Variants in SLC37A1 observed in about 807,000 individuals in gnomAD.
SLC37A1 encodes the protein solute carrier family 37 member 1.
A neutral mutation model predicts 75.3 loss-of-function variants in SLC37A1; 49 were observed. That is an observed-to-expected ratio of 0.65 (90% confidence interval 0.52 to 0.83). SLC37A1 has a LOEUF of 0.83. SLC37A1 is among the 40% of genes least tolerant of loss of function. SLC37A1 has a pLI of 0.00. For synonymous variants in SLC37A1, 268 were observed against 292.1 expected (o/e 0.92, Z 0.84); for missense variants, 566 against 695.0 (o/e 0.81, Z 2.09).
At chr21:42,512,615 A>G (rs2054447823), upstream of SLC37A1, among the ~76,000 whole-genome samples, 2 of 152,222 alleles carry the variant, frequency 1.3e-5, no homozygotes, top group Admixed American at 6.5e-5. Context: ...TGCGGAGAGA[A>G]AGAAGGTCTG....
intron 17 of SLC37A1, among the ~76,000 whole-genome samples, chr21:42,574,369 A>G (rs1456577369): frequency 1.3e-5 from 2 of 152,214 alleles, no homozygotes; most frequent in Non-Finnish European, 2.9e-5. Flanking sequence ...GTCAACACAC[A>G]TTTTTAGGAT....
chr21:42,530,732 A>T (rs575609273), intron 3 of SLC37A1, among the ~76,000 whole-genome samples: 58 of 151,108 alleles, frequency 3.8e-4, no homozygotes, highest in Non-Finnish European at 6.6e-4. Context: ...TGAGGCCTGA[A>T]TCCCCTGCTC....
At chr21:42,508,119 G>A (rs1005397937) in intron 2 of SLC37A1, among the ~76,000 whole-genome samples, 8 of 141,594 alleles carry the variant, frequency 5.6e-5, no homozygotes, top group South Asian at 2.3e-4. Flanking sequence ...TGAAGAGTAC[G>A]CTCTTTTTTT....
At position 42,547,296 on chromosome 21, in the gene SLC37A1, C is replaced by A; in HGVS notation, c.768+156C>A. On this transcript the variant is annotated intron_variant, in intron 9 of 19. Transcript: ENST00000352133. This position sits in a 1 kb window ranked among gnomAD's most constrained non-coding sequence, Gnocchi z 6.1. The stretch of plus-strand genomic sequence containing the variant: ...GGCAGTTCTAGGAATAGAGAATATT[C>A]TGTTTTGGGTTTCGCTGATAATAAC... The A allele has an allele frequency of 1.3e-6, 1 of 799,474 alleles. No homozygotes were observed. 49.5% of individuals were successfully genotyped at this position (799,474 alleles called of 1,614,324 possible). A position where few individuals can be genotyped will look rare whatever the true frequency, so the allele number is the denominator to read the frequency against.
intron 6 of SLC37A1, among the ~76,000 whole-genome samples, chr21:42,541,585 G>C (rs1463132909): frequency 6.6e-6 from 1 of 152,200 alleles, no homozygotes; most frequent in Non-Finnish European, 1.5e-5. Context: ...CTTTGTCCAG[G>C]CGCGAAGTCA....
chr21:42,516,732 T>C (rs1225950790), intron 1 of SLC37A1, among the ~76,000 whole-genome samples: 2 of 152,220 alleles, frequency 1.3e-5, no homozygotes, highest in African/African-American at 4.8e-5. Flanking sequence ...ACAGGTTTTA[T>C]CAGAGTTGGA....
At chr21:42,527,770 C>G (rs946396254) in intron 3 of SLC37A1, among the ~76,000 whole-genome samples, 11 of 152,208 alleles carry the variant, frequency 7.2e-5, no homozygotes, top group African/African-American at 2.7e-4. Context: ...GCCTCCTAAA[C>G]GCACAGATTT....
chr21:42,518,488 A>G lies in SLC37A1; in HGVS notation c.34A>G (p.Ile12Val), dbSNP rs770381210. 2.5e-6 allele frequency: 4 copies of G among 1,614,146 alleles called. No homozygotes were observed. Among genetic ancestry groups the G allele is most frequent in the Admixed American group, 1.7e-5 (1 of 60,026 alleles). ...ARLPAGIRFIISFSRDQWYRA... is the reference protein window; with the variant it reads ...ARLPAGIRFIVSFSRDQWYRA... ...ACTCCCCGCTGGCATTCGCTTCATC[A>G]TCTCATTCTCCAGGGATCAGTGGTG... Residue 12 changes from isoleucine to valine, a missense_variant, in exon 2 of 20, where the codon ATC (isoleucine) becomes GTC (valine). By Grantham distance (29) the Ile-to-Val change is conservative. Transcript: ENST00000352133.
rs143472388 is a variant in SLC37A1 at position 42,570,561 on chromosome 21, G to A, written c.1423+2123G>A. On this transcript the variant is annotated intron_variant, in intron 17 of 19. Coordinates refer to ENST00000352133, the MANE Select transcript of SLC37A1 (RefSeq NM_001320537.2). ...TTCTGGTTGACGTTGTGACTGCGTGGCCTTCTCTTGGCCTTGTGCCTCAGT... is the reference window on the plus strand; with the variant it reads ...TTCTGGTTGACGTTGTGACTGCGTGACCTTCTCTTGGCCTTGTGCCTCAGT... Among the ~76,000 whole-genome samples the A allele has an allele frequency of 3.6e-3, 555 of 152,272 alleles. 5 individuals are homozygous for A. The highest frequency in any genetic ancestry group is 6.1e-3 in the Non-Finnish European group (415 of 68,032).
chr21:42,537,149 G>A lies in SLC37A1; in HGVS notation c.350+1599G>A, dbSNP rs370898525. 9.2e-5 allele frequency among the ~76,000 whole-genome samples: 14 copies of A among 152,346 alleles called. 3 individuals are homozygous for A. Among genetic ancestry groups the A allele is most frequent in the East Asian group, 1.9e-4 (1 of 5,188 alleles). ...GCCCAGGCAGGCAGTGTCTGCTGTT[G>A]GAGGAGAGTGCATAGCTCTCCCTTT... is the stretch of plus-strand genomic sequence containing the variant. On this transcript the variant is annotated intron_variant, in intron 5 of 19. Coordinates refer to ENST00000352133, the MANE Select transcript of SLC37A1 (RefSeq NM_001320537.2).
chr21:42,569,082 G>A (rs568708874), intron 17 of SLC37A1, among the ~76,000 whole-genome samples: 203 of 152,298 alleles, frequency 1.3e-3, no homozygotes, highest in African/African-American at 4.4e-3. Flanking sequence ...TCCTACATGG[G>A]GGACGTTATG....
Position 42,560,008 on chromosome 21 carries a change from G to C in SLC37A1, c.981+919G>C, listed in dbSNP as rs920786398. On this transcript the variant is annotated intron_variant, in intron 11 of 19. Transcript: ENST00000352133. ...CAAGGGAAGAACGAGTAGCACAGGC[G>C]GGAGAAGCCCTCAGAAGCTGGACCG... 3.3e-5 allele frequency among the ~76,000 whole-genome samples: 5 copies of C among 152,218 alleles called. No individual in the cohort carries two copies. The South Asian group carries it at 6.2e-4, about 19-fold the overall frequency.
intron 14 of SLC37A1, among the ~76,000 whole-genome samples, chr21:42,565,048 C>T (rs999076309): frequency 6.6e-6 from 1 of 152,274 alleles, no homozygotes; most frequent in Non-Finnish European, 1.5e-5. Flanking sequence ...TGGGGTGCCC[C>T]CTTGCCCCAG....
chr21:42,556,549 G>A (rs538332690), intron 10 of SLC37A1, among the ~76,000 whole-genome samples: 1 of 152,342 alleles, frequency 6.6e-6, no homozygotes, highest in Admixed American at 6.5e-5. Context: ...GTGTGTGGGG[G>A]CATTTTAGTA....
At chr21:42,570,094 G>T (rs1443546645) in intron 17 of SLC37A1, among the ~76,000 whole-genome samples, 1 of 108,088 alleles carries the variant, frequency 9.3e-6, no homozygotes, top group East Asian at 2.3e-4. Flanking sequence ...CACACGGCCT[G>T]GTTCTGAGAA....
Position 42,518,194 on chromosome 21 carries a change from C to CGT in SLC37A1, c.-178-77_-178-76dup, listed in dbSNP as rs111596319. ...ATCAGGACTGGGTACTGCTACTGTA[C>CGT]GTGTGTGGTTACTTCTGCCAGTAAC... On this transcript the variant is annotated intron_variant, in intron 1 of 19. Transcript: ENST00000352133. 210 of 497,164 alleles carry CGT rather than the reference C, an allele frequency of 4.2e-4. 1 individual carries two copies. Among genetic ancestry groups the CGT allele is most frequent in the African/African-American group, 3.7e-3 (190 of 51,340 alleles). The allele number at this position is 497,164 out of a possible 1,614,324, so 30.8% of individuals were successfully genotyped here.
At chr21:42,512,302 C>T (rs2054443756), upstream of SLC37A1, among the ~76,000 whole-genome samples, 1 of 152,028 alleles carries the variant, frequency 6.6e-6, no homozygotes, top group Non-Finnish European at 1.5e-5. Flanking sequence ...GTATTATCGC[C>T]TTTCAAGTGT....
chr21:42,521,975 G>A (rs962583099), intron 2 of SLC37A1, among the ~76,000 whole-genome samples: 1 of 152,174 alleles, frequency 6.6e-6, no homozygotes, highest in East Asian at 1.9e-4. Context: ...TCCTCTGCAG[G>A]CTCCGGGGAC....
At chr21:42,535,775 G>A (rs777128677) in intron 5 of SLC37A1, among the ~76,000 whole-genome samples, 7 of 152,160 alleles carry the variant, frequency 4.6e-5, no homozygotes, top group African/African-American at 1.4e-4. Context: ...TCCGTGTCCC[G>A]GGCACTGTGC....
Sources: gnomAD v4.1 joint callset for allele counts (sites outside exome capture counted in the v4.1 genomes callset) on GRCh38, gnomAD v4.1.1 for gene constraint, Gnocchi (gnomAD v3.1) non-coding constraint, MANE v1.5 for transcripts, NCBI Gene and HGNC (gene_info 2026-07-23, HGNC 2026-07-21) for gene names.